STK39: variants seen among roughly 807,000 people sequenced by gnomAD.
The protein encoded by STK39 is serine/threonine kinase 39.
A neutral mutation model predicts 77.8 loss-of-function variants in STK39; 20 were observed. The ratio of observed to expected loss-of-function variants is 0.26; its 90% CI spans 0.18 to 0.37. STK39 has a LOEUF of 0.37. Among genes scored for constraint, STK39 ranks in the 10% least tolerant of loss-of-function variants. The pLI, the probability that STK39 is intolerant of heterozygous loss-of-function variation, is 1.00. For synonymous variants in STK39, 246 were observed against 234.1 expected (o/e 1.05, Z -0.47); for missense variants, 479 against 656.5 (o/e 0.73, Z 2.95).
chr2:167,992,039 G>A lies in STK39; in HGVS notation c.1498+20595C>T, dbSNP rs367734679. ...TTTTATCTAGGTCTGCGGAGATGAC[G>A]TGCTCTGTTTGTAGGAAGAAAACAG... is the stretch of plus-strand genomic sequence containing the variant. On this transcript the variant is annotated intron_variant, in intron 16 of 17. Coordinates refer to ENST00000355999, the MANE Select transcript of STK39 (RefSeq NM_013233.3). Among the ~76,000 whole-genome samples the A allele has an allele frequency of 1.4e-3, 216 of 152,260 alleles. 1 individual carries two copies. The highest frequency in any genetic ancestry group is 3.9e-3 in the African/African-American group (164 of 41,562).
At chr2:168,217,868 T>A (rs1690065216) in intron 1 of STK39, among the ~76,000 whole-genome samples, 2 of 152,168 alleles carry the variant, frequency 1.3e-5, no homozygotes, top group Admixed American at 1.3e-4. Context: ...TGTAGACATA[T>A]TTAATAGTCA....
chr2:168,174,927 C>G (rs1026869539), intron 2 of STK39, among the ~76,000 whole-genome samples: 6 of 151,746 alleles, frequency 4.0e-5, no homozygotes, highest in Non-Finnish European at 8.8e-5. Flanking sequence ...AACCTAGAGG[C>G]CAACTTTTAC....
chr2:168,188,350 T>C lies in STK39; in HGVS notation c.209-6260A>G, dbSNP rs563523205. 2.6e-5 allele frequency among the ~76,000 whole-genome samples: 4 copies of C among 152,332 alleles called. No homozygotes were observed. The South Asian group carries it at 8.3e-4, about 32-fold the overall frequency. ...CTGTCACCATCTGAGATCGCTGACC[T>C]GGCATAGCAAGACAGTCAGAATTTT... On this transcript the variant is annotated intron_variant, in intron 1 of 17. Transcript: ENST00000355999.
At position 168,161,892 on chromosome 2, in the gene STK39, T is replaced by C. The variant is rs1688581501; in HGVS notation, c.573-50A>G. Reference sequence around the variant, plus strand: ...AAATTGTAGGGTACAGACTTTATAGTGTATTGATTCACTCAGGAAGATTTT... The same window carrying C: ...AAATTGTAGGGTACAGACTTTATAGCGTATTGATTCACTCAGGAAGATTTT... On this transcript the variant is annotated intron_variant, in intron 4 of 17. Transcript: ENST00000355999. 2.2e-6 allele frequency: 3 copies of C among 1,377,456 alleles called. No individual in the cohort carries two copies. In the South Asian group the frequency reaches 3.8e-5, roughly 18 times the overall value. The allele number at this position is 1,377,456 out of a possible 1,614,324, so 85.3% of individuals were successfully genotyped here.
intron 10 of STK39, among the ~76,000 whole-genome samples, chr2:168,107,221 A>G (rs16854729): frequency 0.36 from 54,893 of 152,000 alleles, 10,164 homozygotes; most frequent in African/African-American, 0.4. Context: ...AATATTCTCA[A>G]CTTTGCTTTC....
chr2:168,029,422 A>G (rs1684778633), intron 14 of STK39, among the ~76,000 whole-genome samples: 1 of 152,228 alleles, frequency 6.6e-6, no homozygotes, highest in Non-Finnish European at 1.5e-5. Context: ...TTATGTTACA[A>G]AAGACAGAAG....
At chr2:168,014,330 A>C (rs911200410) in intron 15 of STK39, among the ~76,000 whole-genome samples, 3 of 152,146 alleles carry the variant, frequency 2.0e-5, no homozygotes, top group Admixed American at 6.5e-5. Flanking sequence ...ACAAAGCGTA[A>C]AAAATTAGCT....
intron 10 of STK39, among the ~76,000 whole-genome samples, chr2:168,105,369 C>A (rs1223570037): frequency 1.3e-5 from 2 of 152,192 alleles, no homozygotes; most frequent in Admixed American, 1.3e-4. Flanking sequence ...TCAGAACAAG[C>A]TCCAGACCAT....
At chr2:168,170,859 G>A (rs1688806758) in intron 2 of STK39, among the ~76,000 whole-genome samples, 1 of 152,146 alleles carries the variant, frequency 6.6e-6, no homozygotes, top group Admixed American at 6.5e-5. Context: ...AAAGTGGTGT[G>A]AATTTCACAA....
At chr2:167,970,791 T>C (rs1475970187) in intron 16 of STK39, among the ~76,000 whole-genome samples, 5 of 152,186 alleles carry the variant, frequency 3.3e-5, no homozygotes, top group African/African-American at 1.2e-4. Context: ...CACTGCTGAG[T>C]GTTCAAACTG....
At chr2:168,162,986 C>T (rs147787539) in intron 4 of STK39, among the ~76,000 whole-genome samples, 5 of 150,256 alleles carry the variant, frequency 3.3e-5, no homozygotes, top group Non-Finnish European at 7.4e-5. Flanking sequence ...GAGATCACAC[C>T]ATTGCACTCC....
chr2:168,001,529 A>AT (rs1411578171), intron 16 of STK39, among the ~76,000 whole-genome samples: 1 of 152,130 alleles, frequency 6.6e-6, no homozygotes, highest in East Asian at 1.9e-4. Context: ...TAAAAAAAAA[A>AT]ATGATAACCT....
intron 17 of STK39, among the ~76,000 whole-genome samples, chr2:167,956,431 C>G (rs143063259): frequency 0.028 from 4,206 of 152,104 alleles, 203 homozygotes; most frequent in African/African-American, 0.095. Context: ...GTGGCACACA[C>G]CTGTAGTGCC....
intron 1 of STK39, among the ~76,000 whole-genome samples, chr2:168,243,538 T>C (rs1217869698): frequency 6.6e-6 from 1 of 152,162 alleles, no homozygotes; most frequent in Non-Finnish European, 1.5e-5. Context: ...AAATCTAGTA[T>C]AAAACTACAT....
intron 1 of STK39, among the ~76,000 whole-genome samples, chr2:168,222,975 C>T (rs754764610): frequency 5.9e-5 from 9 of 152,172 alleles, no homozygotes; most frequent in Non-Finnish European, 1.3e-4. Flanking sequence ...TTATCATAAT[C>T]ATCATTGTCA....
At chr2:168,107,519 T>A (rs1390462084) in intron 10 of STK39, among the ~76,000 whole-genome samples, 8 of 152,226 alleles carry the variant, frequency 5.3e-5, no homozygotes, top group African/African-American at 1.9e-4. Context: ...AAATATGGAA[T>A]TAGCTCAAAT....
chr2:168,085,550 T>C (rs1686343375), intron 10 of STK39, among the ~76,000 whole-genome samples: 1 of 152,188 alleles, frequency 6.6e-6, no homozygotes, highest in African/African-American at 2.4e-5. Flanking sequence ...CCAGATCTGA[T>C]TTAGAGGACA....
intron 10 of STK39, among the ~76,000 whole-genome samples, chr2:168,081,603 C>G (rs1374160832): frequency 6.6e-6 from 1 of 152,066 alleles, no homozygotes; most frequent in Non-Finnish European, 1.5e-5. Context: ...TGACTCATTT[C>G]AGAAGGCATG....
At chr2:168,124,762 G>A (rs140048132) in intron 10 of STK39, among the ~76,000 whole-genome samples, 16 of 152,278 alleles carry the variant, frequency 1.1e-4, no homozygotes, top group African/African-American at 3.4e-4. Flanking sequence ...GGTGCCTCAA[G>A]TATGTTATCA....
Sources: gnomAD v4.1 joint callset for allele counts (sites outside exome capture counted in the v4.1 genomes callset) on GRCh38, gnomAD v4.1.1 for gene constraint, MANE v1.5 for transcripts, NCBI Gene and HGNC (gene_info 2026-07-23, HGNC 2026-07-21) for gene names.